The following PLA1A variants were observed in gnomAD, a reference collection of about 807,000 sequenced individuals.
PLA1A encodes phosphatidylserine-specific phospholipase A1alpha.
A neutral mutation model predicts 49.4 loss-of-function variants in PLA1A; 47 were observed. That is an observed-to-expected ratio of 0.95 (90% CI 0.75 to 1.21). PLA1A has a LOEUF of 1.21. Among genes scored for constraint, PLA1A ranks in the 50% most tolerant of loss-of-function variants. PLA1A has a pLI of 0.00. For missense variants in PLA1A, 561 were observed against 563.9 expected, an observed-to-expected ratio of 0.99 and a Z score of 0.05; for synonymous variants, 224 against 207.9, an observed-to-expected ratio of 1.08 and a Z score of -0.67.
intron 5 of PLA1A, among the ~76,000 whole-genome samples, chr3:119,615,291 C>T (rs1380560039): frequency 6.6e-6 from 1 of 152,148 alleles, no homozygotes; most frequent in Non-Finnish European, 1.5e-5. Flanking sequence ...CTTATCTCCG[C>T]TCTGGAGCCA....
chr3:119,613,893 CA>C (rs71658500), intron 5 of PLA1A, among the ~76,000 whole-genome samples: 1 of 146,668 alleles, frequency 6.8e-6, no homozygotes, highest in Non-Finnish European at 1.5e-5. Context: ...ACTCTGTCTC[CA>C]AAAAAAAGAA....
Position 119,606,977 on chromosome 3 carries a change from T to G in PLA1A, c.275+2T>G, listed in dbSNP as rs752718217. On this transcript the variant is annotated splice_donor_variant, in intron 2 of 10. Transcript: ENST00000273371. LOFTEE classifies it high-confidence loss of function. ...CAAACTAATTATCCATGGATTCAGGTGGGAGTTAAATAACCAACAGGACTT... is the reference window on the plus strand; with the variant it reads ...CAAACTAATTATCCATGGATTCAGGGGGGAGTTAAATAACCAACAGGACTT... 1.2e-6 allele frequency: 2 copies of G among 1,611,608 alleles called. No individual in the cohort carries two copies. The highest frequency in any genetic ancestry group is 3.3e-5 in the Admixed American group (2 of 60,016).
rs867949724 is a variant in PLA1A at position 119,598,133 on chromosome 3, C to A, written c.73+147C>A. The A allele has an allele frequency of 2.9e-4, 147 of 511,868 alleles. 1 individual carries two copies. The Middle Eastern group carries it at 0.01, about 35-fold the overall frequency. The allele number at this position is 511,868 out of a possible 1,614,324, so 31.7% of individuals were successfully genotyped here. On this transcript the variant is annotated intron_variant, in intron 1 of 10. Coordinates refer to ENST00000273371, the MANE Select transcript of PLA1A (RefSeq NM_015900.4). ...AATTTAAAACAGTAGGGGAAAAAAA[C>A]CCCTTTTATCATAATCGGAATGATG...
intron 1 of PLA1A, among the ~76,000 whole-genome samples, chr3:119,604,403 A>G (rs1172652750): frequency 1.3e-5 from 2 of 152,248 alleles, no homozygotes; most frequent in African/African-American, 4.8e-5. Context: ...GATGTGGTAT[A>G]CATACACAAA....
rs1377101252 is a variant in PLA1A at position 119,629,592 on chromosome 3, T to C, written c.*124T>C. 3.2e-6 allele frequency: 2 copies of C among 634,816 alleles called. No individual in the cohort carries two copies. The highest frequency in any genetic ancestry group is 1.8e-5 in the African/African-American group (1 of 54,674). 39.3% of individuals were successfully genotyped at this position (634,816 alleles called of 1,614,324 possible). ...CTACTAAGGAGAAAAGCAAAGCTCTTTCTTATTTTCCTCATAATCAGCTAC... is the reference window on the plus strand; with the variant it reads ...CTACTAAGGAGAAAAGCAAAGCTCTCTCTTATTTTCCTCATAATCAGCTAC... On this transcript the variant is annotated 3_prime_UTR_variant, in exon 11 of 11. Transcript: ENST00000273371.
At chr3:119,615,530 C>T (rs2107790326) in intron 5 of PLA1A, among the ~76,000 whole-genome samples, 1 of 152,334 alleles carries the variant, frequency 6.6e-6, no homozygotes, top group South Asian at 2.1e-4. Context: ...AACAGAATCT[C>T]TTTGGTTCCT....
chr3:119,612,178 CT>C (rs1426600312), intron 4 of PLA1A, among the ~76,000 whole-genome samples: 1 of 152,180 alleles, frequency 6.6e-6, no homozygotes, highest in African/African-American at 2.4e-5. Context: ...TACTATTTTC[CT>C]TTATTCTCTG....
chr3:119,608,741 T>G, intron 2 of PLA1A, 29 bp from the exon 3 acceptor site: 1 of 1,565,532 alleles, frequency 6.4e-7, no homozygotes, highest in Non-Finnish European at 8.7e-7. Flanking sequence ...GCAGGTAATT[T>G]TTCCATTCTT....
At chr3:119,600,046 C>T (rs1334378770) in intron 1 of PLA1A, among the ~76,000 whole-genome samples, 1 of 152,022 alleles carries the variant, frequency 6.6e-6, no homozygotes, top group Non-Finnish European at 1.5e-5. Context: ...TAATTGACTT[C>T]AGACAGCCTA....
chr3:119,613,002 A>T lies in PLA1A; in HGVS notation c.563-15A>T. ...TGAGAGGAAAGAGGTCCCTCATATC[A>T]GTCTCTTCTCACAGGCCTGGACCCC... On this transcript the variant is annotated splice_polypyrimidine_tract_variant and intron_variant, in intron 4 of 10. Transcript: ENST00000273371. The T allele has an allele frequency of 6.6e-7, 1 of 1,519,012 alleles. No homozygotes were observed. The allele number at this position is 1,519,012 out of a possible 1,614,324, so 94.1% of individuals were successfully genotyped here.
At position 119,625,247 on chromosome 3, in the gene PLA1A, C is replaced by T. The variant is rs1207916921; in HGVS notation, c.1121+15C>T. Reference sequence around the variant, plus strand: ...AAGATCACCATGTACGTAAGTGTCCCACCTGGTTGACTCCTCCCCTTAGGA... The same window carrying T: ...AAGATCACCATGTACGTAAGTGTCCTACCTGGTTGACTCCTCCCCTTAGGA... On this transcript the variant is annotated intron_variant, in intron 9 of 10. Coordinates refer to ENST00000273371, the MANE Select transcript of PLA1A (RefSeq NM_015900.4). 2 of 1,516,170 alleles carry T rather than the reference C, an allele frequency of 1.3e-6. No individual in the cohort carries two copies. Among genetic ancestry groups the T allele is most frequent in the Admixed American group, 3.3e-5 (2 of 59,784 alleles). 93.9% of individuals were successfully genotyped at this position (1,516,170 alleles called of 1,614,324 possible).
chr3:119,621,482 C>T (rs2082929492), intron 8 of PLA1A, among the ~76,000 whole-genome samples: 2 of 152,236 alleles, frequency 1.3e-5, no homozygotes, highest in South Asian at 4.1e-4. Context: ...ACTCTCAGGC[C>T]ATCATGGCAC....
chr3:119,598,307 C>A (rs981916815), intron 1 of PLA1A, among the ~76,000 whole-genome samples: 1 of 152,046 alleles, frequency 6.6e-6, no homozygotes, highest in African/African-American at 2.4e-5. Context: ...CATTTTTCAC[C>A]CCATAAATAT....
intron 9 of PLA1A, among the ~76,000 whole-genome samples, chr3:119,628,123 T>A (rs1577158683): frequency 6.6e-6 from 1 of 152,228 alleles, no homozygotes; most frequent in Non-Finnish European, 1.5e-5. Context: ...CATAGCAGCA[T>A]GTAGGGAAGC....
chr3:119,628,813 C>T lies in PLA1A; in HGVS notation c.1234C>T (p.Arg412Trp), dbSNP rs775418185. The T allele has an allele frequency of 1.5e-5, 24 of 1,613,888 alleles. No individual in the cohort carries two copies. Among genetic ancestry groups the T allele is most frequent in the Admixed American group, 3.3e-5 (2 of 59,998 alleles). Residue 412 changes from arginine (R) to tryptophan (W), a missense_variant, in exon 10 of 11, where the codon CGG becomes TGG. By Grantham distance (101) the Arg-to-Trp change is moderately radical (BLOSUM62 -3). Coordinates refer to ENST00000273371, the MANE Select transcript of PLA1A (RefSeq NM_015900.4). Reference sequence around the variant, plus strand: ...TTCCAACCGAGTTTGGAAAAAAGACCGGACTACCATTATTGGGAAGTTCTG... The same window carrying T: ...TTCCAACCGAGTTTGGAAAAAAGACTGGACTACCATTATTGGGAAGTTCTG... ...QSSNRVWKKD[R>W]TTIIGKFCTA...
At chr3:119,618,650 C>A (rs1000951271) in intron 7 of PLA1A, among the ~76,000 whole-genome samples, 5 of 152,294 alleles carry the variant, frequency 3.3e-5, no homozygotes, top group African/African-American at 1.2e-4. Flanking sequence ...AGGACTTGGG[C>A]ACCTTCCTGG....
At chr3:119,622,487 T>G (rs909792116) in intron 8 of PLA1A, among the ~76,000 whole-genome samples, 2 of 152,148 alleles carry the variant, frequency 1.3e-5, no homozygotes, top group Admixed American at 6.5e-5. Context: ...TCAAGGCCCC[T>G]TTCTTCTTGT....
At chr3:119,608,341 G>A (rs1185185068) in intron 2 of PLA1A, among the ~76,000 whole-genome samples, 1 of 152,162 alleles carries the variant, frequency 6.6e-6, no homozygotes, top group Non-Finnish European at 1.5e-5. Flanking sequence ...TTTAGAATGA[G>A]AATTAAGATC....
intron 4 of PLA1A, among the ~76,000 whole-genome samples, chr3:119,611,121 G>A (rs1024616756): frequency 2.0e-5 from 3 of 152,220 alleles, no homozygotes; most frequent in Non-Finnish European, 2.9e-5. Context: ...AAGGTCTGAC[G>A]GCTGTAGGAG....
Sources: gnomAD v4.1 joint callset for allele counts (sites outside exome capture counted in the v4.1 genomes callset) on GRCh38, gnomAD v4.1.1 for gene constraint, MANE v1.5 for transcripts, NCBI Gene and HGNC (gene_info 2026-07-23, HGNC 2026-07-21) for gene names.